The following BNC2 variants were observed in gnomAD, a reference collection of about 807,000 sequenced individuals.
The protein encoded by BNC2 is basonuclin zinc finger protein 2.
In BNC2, 20 loss-of-function variants were observed where a neutral mutation model predicts 76.3. That is an observed-to-expected ratio of 0.26 (90% CI 0.18 to 0.38). The LOEUF is 0.38. Among genes scored for constraint, BNC2 ranks in the 10% least tolerant of loss-of-function variants. The pLI, the probability that BNC2 is intolerant of heterozygous loss-of-function variation, is 1.00. For missense variants in BNC2, 1,382 were observed against 1,399.8 expected, an observed-to-expected ratio of 0.99 and a Z score of 0.20; for synonymous variants, 582 against 514.8, an observed-to-expected ratio of 1.13 and a Z score of -1.77.
At chr9:16,725,164 A>C (rs1265987284) in intron 3 of BNC2, among the ~76,000 whole-genome samples, 1 of 151,736 alleles carries the variant, frequency 6.6e-6, no homozygotes, top group Non-Finnish European at 1.5e-5. Flanking sequence ...TACTCGTTTA[A>C]ATGGCTGGCT....
At chr9:16,601,540 A>T (rs1168041412) in intron 3 of BNC2, among the ~76,000 whole-genome samples, 1 of 152,174 alleles carries the variant, frequency 6.6e-6, no homozygotes, top group African/African-American at 2.4e-5. Context: ...CTTTTCCAAG[A>T]TTTGAAAGCA....
chr9:16,467,661 AT>A (rs1298040765), intron 5 of BNC2, among the ~76,000 whole-genome samples: 1 of 140,566 alleles, frequency 7.1e-6, no homozygotes, highest in Non-Finnish European at 1.5e-5. Flanking sequence ...GAAGGGGAAT[AT>A]CACACTCTGG....
intron 1 of BNC2, among the ~76,000 whole-genome samples, chr9:16,852,260 T>C (rs997510116): frequency 6.6e-6 from 1 of 152,110 alleles, no homozygotes; most frequent in African/African-American, 2.4e-5. Flanking sequence ...ACAAGATAAA[T>C]CAAATTTCTA....
intron 1 of BNC2, among the ~76,000 whole-genome samples, chr9:16,804,592 T>C (rs933311047): frequency 1.8e-4 from 27 of 152,354 alleles, no homozygotes; most frequent in African/African-American, 6.5e-4. Flanking sequence ...TGGAGATAGG[T>C]TGTTTTTAGA....
chr9:16,772,357 T>C (rs1218483603), intron 1 of BNC2, among the ~76,000 whole-genome samples: 1 of 152,190 alleles, frequency 6.6e-6, no homozygotes. Flanking sequence ...AATATGCCAT[T>C]GTTCCCACTT....
intron 4 of BNC2, among the ~76,000 whole-genome samples, chr9:16,559,492 G>C (rs1050867696): frequency 6.6e-6 from 1 of 152,158 alleles, no homozygotes; most frequent in Non-Finnish European, 1.5e-5. Flanking sequence ...ATCAGGTTAG[G>C]TAACTGGCCT....
At chr9:16,791,213 C>A (rs1293911495) in intron 1 of BNC2, among the ~76,000 whole-genome samples, 1 of 152,112 alleles carries the variant, frequency 6.6e-6, no homozygotes, top group African/African-American at 2.4e-5. Flanking sequence ...AGGCACCCGC[C>A]ACCATGCCTG....
chr9:16,667,333 T>A (rs1318081613), intron 3 of BNC2, among the ~76,000 whole-genome samples: 2 of 152,162 alleles, frequency 1.3e-5, no homozygotes, highest in East Asian at 3.9e-4. Context: ...TATACAAGAA[T>A]AAAATCCACA....
intron 1 of BNC2, among the ~76,000 whole-genome samples, chr9:16,794,902 A>G (rs932267412): frequency 6.1e-5 from 5 of 81,396 alleles, no homozygotes; most frequent in Admixed American, 5.7e-4. Flanking sequence ...TGATGGGGGA[A>G]AAAAAAAACC....
At chr9:16,706,284 C>T (rs558942910) in intron 3 of BNC2, among the ~76,000 whole-genome samples, 2 of 152,312 alleles carry the variant, frequency 1.3e-5, no homozygotes, top group East Asian at 1.9e-4. Context: ...TAACTATCTT[C>T]ATATGATGCA....
At chr9:16,560,654 G>C (rs891255532) in intron 4 of BNC2, among the ~76,000 whole-genome samples, 1 of 152,194 alleles carries the variant, frequency 6.6e-6, no homozygotes, top group Non-Finnish European at 1.5e-5. Context: ...CTTGAGCCCA[G>C]GAGTTCCAGG....
chr9:16,678,261 C>CTTTCTCTTTTTTTTTTTT (rs1473647913), intron 3 of BNC2, among the ~76,000 whole-genome samples: 6 of 75,890 alleles, frequency 7.9e-5, no homozygotes, highest in East Asian at 6.4e-4. Context: ...TGTTTTCTTT[C>CTTTCTCTTTTTTTTTTTT]TTTTTCTTTT....
chr9:16,782,896 A>G (rs896573730), intron 1 of BNC2, among the ~76,000 whole-genome samples: 6 of 152,212 alleles, frequency 3.9e-5, no homozygotes, highest in South Asian at 4.1e-4. Context: ...GAGTAAGTGA[A>G]TAGTCTACCT....
At chr9:16,726,680 G>A (rs1824333543) in intron 3 of BNC2, 1 of 151,916 alleles carries the variant, frequency 6.6e-6, no homozygotes, top group Admixed American at 6.6e-5. Flanking sequence ...TTCGTGCTGT[G>A]TGGATGATAA....
chr9:16,672,268 C>A (rs572107324), intron 3 of BNC2, among the ~76,000 whole-genome samples: 1 of 152,088 alleles, frequency 6.6e-6, no homozygotes, highest in Admixed American at 6.6e-5. Flanking sequence ...GAGGCCGAGG[C>A]GGGCGGATCA....
intron 3 of BNC2, among the ~76,000 whole-genome samples, chr9:16,615,120 G>A (rs1820663934): frequency 6.6e-6 from 1 of 151,952 alleles, no homozygotes; most frequent in African/African-American, 2.4e-5. Flanking sequence ...CAAGAGTGAG[G>A]ATACAGCATG....
chr9:16,715,363 C>T (rs772246433), intron 3 of BNC2, among the ~76,000 whole-genome samples: 2 of 152,004 alleles, frequency 1.3e-5, no homozygotes, highest in Non-Finnish European at 2.9e-5. Flanking sequence ...AACTTTTTTT[C>T]TAATCACAGG....
chr9:16,684,962 A>T (rs898887672), intron 3 of BNC2, among the ~76,000 whole-genome samples: 2 of 152,180 alleles, frequency 1.3e-5, no homozygotes. Flanking sequence ...CATATCTTCC[A>T]ACGCATGAAG....
intron 1 of BNC2, among the ~76,000 whole-genome samples, chr9:16,769,001 G>C (rs143740434): frequency 6.6e-6 from 1 of 152,266 alleles, no homozygotes; most frequent in East Asian, 1.9e-4. Flanking sequence ...GGAACTTCCA[G>C]GTTTCTGACT....
Sources: allele counts gnomAD v4.1 joint callset (sites outside exome capture counted in the v4.1 genomes callset), GRCh38; gene constraint gnomAD v4.1.1; transcripts MANE v1.5; gene names NCBI Gene and HGNC (gene_info 2026-07-23, HGNC 2026-07-21).